The following DNPEP variants were observed in gnomAD, a reference collection of about 807,000 sequenced individuals.
DNPEP encodes the protein aspartyl aminopeptidase.
DNPEP carries 46 observed loss-of-function variants against 59.1 expected under a neutral mutation model. The observed-to-expected ratio is 0.78, with a 90% CI of 0.61 to 0.99. The LOEUF is 0.99. Ranked by LOEUF, DNPEP falls within the 50% of genes least tolerant of loss-of-function variation. The pLI, the probability that DNPEP is intolerant of heterozygous loss-of-function variation, is 0.00. For missense variants in DNPEP, 617 were observed against 649.9 expected, an observed-to-expected ratio of 0.95 and a Z score of 0.55; for synonymous variants, 229 against 242.2, an observed-to-expected ratio of 0.95 and a Z score of 0.50.
chr2:219,380,169 C>T (rs1285127684), intron 13 of DNPEP, among the ~76,000 whole-genome samples: 1 of 151,124 alleles, frequency 6.6e-6, no homozygotes, highest in African/African-American at 2.4e-5. Context: ...ATCTTTTATA[C>T]CATATGCTTC....
intron 4 of DNPEP, 27 bp downstream of exon 4, chr2:219,386,638 C>G (rs1428611026): frequency 6.3e-7 from 1 of 1,589,050 alleles, no homozygotes; most frequent in South Asian, 1.1e-5. Flanking sequence ...CATCTCCTCC[C>G]ACCCCAACAC....
At position 219,385,534 on chromosome 2, in the gene DNPEP, G is replaced by A. The variant is rs1953775341; in HGVS notation, c.667-3C>T. ...AGGACCGAATGGTGCCGCTCATCCT[G>A]AAGAGCAGAAAGATGCTGGGAAGAG... On this transcript the variant is annotated splice_region_variant and splice_polypyrimidine_tract_variant and intron_variant, in intron 7 of 14. Transcript: ENST00000273075. 6.2e-7 allele frequency: 1 copy of A among 1,604,678 alleles called. No individual in the cohort carries two copies. The highest frequency in any genetic ancestry group is 1.1e-5 in the South Asian group (1 of 90,798).
intron 9 of DNPEP, 55 bp downstream of exon 9, chr2:219,384,311 A>G (rs1953718503): frequency 1.3e-6 from 2 of 1,547,122 alleles, no homozygotes; most frequent in African/African-American, 2.7e-5. Flanking sequence ...CCCGACCCCA[A>G]ACATACCACC....
intron 13 of DNPEP, among the ~76,000 whole-genome samples, chr2:219,377,630 T>A (rs1027430892): frequency 1.3e-5 from 2 of 152,022 alleles, no homozygotes; most frequent in Admixed American, 6.6e-5. Flanking sequence ...AAACAACAAT[T>A]TCCTGAAATG....
exon 1 of DNPEP, chr2:219,399,994 C>A (rs1399251762): frequency 8.0e-7 from 1 of 1,246,942 alleles, no homozygotes; most frequent in African/African-American, 1.5e-5. Context: ...TTTGCCGGAT[C>A]CTTCCCCTGC....
At chr2:219,380,252 G>C (rs1178101768) in intron 13 of DNPEP, among the ~76,000 whole-genome samples, 1 of 133,492 alleles carries the variant, frequency 7.5e-6, no homozygotes, top group Non-Finnish European at 1.5e-5. Flanking sequence ...GTCTCACTCT[G>C]TCGCCCAGGC....
Position 219,386,667 on chromosome 2 carries a change from G to C in DNPEP, c.331C>G (p.Arg111Gly). Residue 111 changes from arginine (R) to glycine (G), a missense_variant and splice_region_variant, in exon 4 of 15, where the codon CGG becomes GGG. Physicochemically the swap from Arg to Gly is moderately radical, Grantham distance 125. Transcript: ENST00000273075. ...CCAACACCGTCCGAGTTCCTTACCC[G>C]GAGGCAGGGGCTGTCCGTGTGGGCC... is the stretch of plus-strand genomic sequence containing the variant. ...IGAHTDSPCL[R>G]VKRRSRRSQV... 6.2e-7 allele frequency: 1 copy of C among 1,610,698 alleles called. No individual in the cohort carries two copies. The highest frequency in any genetic ancestry group is 1.1e-5 in the South Asian group (1 of 90,176).
intron 1 of DNPEP, chr2:219,399,628 C>G (rs1954153268): frequency 1.6e-6 from 1 of 638,956 alleles, no homozygotes; most frequent in African/African-American, 1.8e-5. Flanking sequence ...GAATAGGGCA[C>G]CAGACAGGGT....
At chr2:219,380,194 T>C (rs1953530398) in intron 13 of DNPEP, among the ~76,000 whole-genome samples, 1 of 123,168 alleles carries the variant, frequency 8.1e-6, no homozygotes, top group African/African-American at 2.9e-5. Flanking sequence ...AACTTTTCTT[T>C]TTCTTTTCTT....
chr2:219,386,549 T>C, intron 4 of DNPEP, 116 bp downstream of exon 4: 1 of 1,452,948 alleles, frequency 6.9e-7, no homozygotes. Context: ...GGCCAACAAG[T>C]TTACCTTCTC....
rs574862095 is a variant in DNPEP, at chr2:219,384,356, G to A, written c.852+10C>T. 2.1e-5 allele frequency: 33 copies of A among 1,604,766 alleles called. No homozygotes were observed. Among genetic ancestry groups the A allele is most frequent in the Middle Eastern group, 1.7e-4 (1 of 6,056 alleles). On this transcript the variant is annotated intron_variant, in intron 9 of 14. Transcript: ENST00000273075. ...GGTTATGTGCTGCCTGGGGCGCCCC[G>A]GCTCCTCACCTGCAGGGCACAGAAG...
chr2:219,397,093 A>G (rs920367546), intron 1 of DNPEP, among the ~76,000 whole-genome samples: 1 of 152,200 alleles, frequency 6.6e-6, no homozygotes, highest in Non-Finnish European at 1.5e-5. Flanking sequence ...TGACAGTATA[A>G]CAAAGTGGTT....
At chr2:219,393,382 C>T (rs1206673889), upstream of DNPEP, among the ~76,000 whole-genome samples, 3 of 151,948 alleles carry the variant, frequency 2.0e-5, no homozygotes, top group Admixed American at 6.6e-5. Flanking sequence ...TGGGTTCAAG[C>T]GATTCTTCTG....
At chr2:219,387,027 G>A (rs374439223) in intron 2 of DNPEP, 43 bp downstream of exon 2, 5 of 1,611,806 alleles carry the variant, frequency 3.1e-6, no homozygotes, top group African/African-American at 1.3e-5. Flanking sequence ...GGTGAAGGGC[G>A]CATCAGCCTC....
chr2:219,385,738 C>T lies in DNPEP; in HGVS notation c.591-32G>A, dbSNP rs200325612. On this transcript the variant is annotated intron_variant, in intron 6 of 14. Transcript: ENST00000273075. ...GGAGACGTGGGTTGTGGGGGGATTGCGAGGAGGGCACAGCTGAGTGCGGCA... is the reference window on the plus strand; with the variant it reads ...GGAGACGTGGGTTGTGGGGGGATTGTGAGGAGGGCACAGCTGAGTGCGGCA... 3.7e-5 allele frequency: 58 copies of T among 1,565,734 alleles called. 1 individual carries two copies. In the Middle Eastern group the frequency reaches 1.3e-3, roughly 34 times the overall value.
In DNPEP at chr2:219,387,889, A is replaced by T; in HGVS notation, c.-95T>A. 1 of 1,326,792 alleles carries T rather than the reference A, an allele frequency of 7.5e-7. No homozygotes were observed. Among genetic ancestry groups the T allele is most frequent in the Non-Finnish European group, 9.6e-7 (1 of 1,042,282 alleles). The allele number at this position is 1,326,792 out of a possible 1,614,324, so 82.2% of individuals were successfully genotyped here. A position where few individuals can be genotyped will look rare whatever the true frequency, so the allele number is the denominator to read the frequency against. On this transcript the variant is annotated 5_prime_UTR_variant, in exon 1 of 15. Coordinates refer to ENST00000273075, the MANE Select transcript of DNPEP (RefSeq NM_012100.4). ...CGCGTGCCCCTTCAGGCCGCGCCGCACTCGTAGGCCTTCATCACGCTTCCC... is the reference window on the plus strand; with the variant it reads ...CGCGTGCCCCTTCAGGCCGCGCCGCTCTCGTAGGCCTTCATCACGCTTCCC...
intron 9 of DNPEP, among the ~76,000 whole-genome samples, chr2:219,383,428 C>CT (rs1364439372): frequency 6.6e-6 from 1 of 151,766 alleles, no homozygotes; most frequent in Admixed American, 6.6e-5. Context: ...AAATAAATAG[C>CT]TACATAGGTA....
At chr2:219,385,346 G>C (rs749957919) in intron 8 of DNPEP, 78 bp downstream of exon 8, 4 of 912,408 alleles carry the variant, frequency 4.4e-6, no homozygotes, top group Non-Finnish European at 7.0e-6. Flanking sequence ...GAGGTGATGG[G>C]TGCTTCAGCA....
At chr2:219,377,396 AG>A (rs1209544678) in intron 13 of DNPEP, among the ~76,000 whole-genome samples, 2 of 151,742 alleles carry the variant, frequency 1.3e-5, no homozygotes, top group East Asian at 3.9e-4. Flanking sequence ...TGGGGCAGCA[AG>A]GAGACATATC....
Sources: gnomAD v4.1 joint callset for allele counts (sites outside exome capture counted in the v4.1 genomes callset) on GRCh38, gnomAD v4.1.1 for gene constraint, MANE v1.5 for transcripts, NCBI Gene and HGNC (gene_info 2026-07-23, HGNC 2026-07-21) for gene names.